The following ALK variants were observed in gnomAD, a reference collection of about 807,000 sequenced individuals.
ALK encodes the protein ALK tyrosine kinase receptor.
ALK carries 74 observed loss-of-function variants against 163.1 expected under a neutral mutation model. The observed-to-expected ratio is 0.45, with a 90% CI of 0.38 to 0.55. The LOEUF is 0.55. Ranked by LOEUF, ALK falls within the 20% of genes least tolerant of loss-of-function variation. The pLI is 0.00. For synonymous variants in ALK, 960 were observed against 843.2 expected (o/e 1.14, Z -2.40); for missense variants, 2,063 against 2,105.3 (o/e 0.98, Z 0.39).
rs75833254 is a variant in ALK at position 29,850,289 on chromosome 2, C to T, written c.667+69704G>A. Among the ~76,000 whole-genome samples the T allele has an allele frequency of 8.9e-3, 1,354 of 152,232 alleles. 26 individuals carry two copies. The highest frequency in any genetic ancestry group is 0.03 in the African/African-American group (1,243 of 41,522). On this transcript the variant is annotated intron_variant, in intron 1 of 28. Coordinates refer to ENST00000389048, the MANE Select transcript of ALK (RefSeq NM_004304.5). ...CGGGACTGGTTCCCTGCAGGGAGGG[C>T]AGTGCCAGATGAGGAATGGCAGAGG...
At chr2:29,700,145 C>T (rs903759722) in intron 2 of ALK, among the ~76,000 whole-genome samples, 1 of 152,192 alleles carries the variant, frequency 6.6e-6, no homozygotes, top group African/African-American at 2.4e-5. Flanking sequence ...AGATGCTGCC[C>T]CTAAACAAGG....
chr2:29,677,086 A>G (rs1239450460), intron 3 of ALK, among the ~76,000 whole-genome samples: 1 of 151,756 alleles, frequency 6.6e-6, no homozygotes, highest in Non-Finnish European at 1.5e-5. Context: ...AATAAAGGCA[A>G]TTTTATTTTA....
intron 3 of ALK, among the ~76,000 whole-genome samples, chr2:29,662,491 T>G (rs540339893): frequency 6.6e-6 from 1 of 152,276 alleles, no homozygotes; most frequent in South Asian, 2.1e-4. Context: ...AGGTTACTTA[T>G]TGCAAGGCCA....
intron 1 of ALK, among the ~76,000 whole-genome samples, chr2:29,838,186 A>T (rs1183021092): frequency 6.6e-6 from 1 of 152,156 alleles, no homozygotes; most frequent in Non-Finnish European, 1.5e-5. Context: ...GAAAAATGTT[A>T]AAAAGGAAAA....
chr2:29,910,404 T>G (rs889663409), intron 1 of ALK, among the ~76,000 whole-genome samples: 6 of 152,122 alleles, frequency 3.9e-5, no homozygotes, highest in Non-Finnish European at 8.8e-5. Flanking sequence ...ATAGCACAAT[T>G]GTAATTGAAT....
intron 19 of ALK, among the ~76,000 whole-genome samples, chr2:29,225,015 A>G (rs1663906798): frequency 6.6e-6 from 1 of 152,230 alleles, no homozygotes. Context: ...TATACTCAGA[A>G]ACCGATTTTC....
At chr2:29,798,982 G>A (rs989002029) in intron 1 of ALK, among the ~76,000 whole-genome samples, 1 of 152,166 alleles carries the variant, frequency 6.6e-6, no homozygotes, top group Non-Finnish European at 1.5e-5. Flanking sequence ...GAGCTTTTCT[G>A]AGTTTCCATT....
chr2:29,383,779 C>T lies in ALK; in HGVS notation c.1235G>A (p.Arg412His), dbSNP rs1388736375. 44 of 1,614,012 alleles carry T rather than the reference C, an allele frequency of 2.7e-5. No individual in the cohort carries two copies. The highest frequency in any genetic ancestry group is 5.3e-5 in the African/African-American group (4 of 74,932). Residue 412 changes from arginine to histidine, a missense_variant, in exon 5 of 29, where the codon CGC (arginine) becomes CAC (histidine). This residue lies in a region of ALK where 987 missense variants were observed against 939.5 expected (regional missense o/e 1.05). Coordinates refer to ENST00000389048, the MANE Select transcript of ALK (RefSeq NM_004304.5). ...AAAGAAGTCCACTGCAGACAAGCTG[C>T]GGTTTCCACTGGAGATGTATTCCAG... ...VALEYISSGN[R>H]SLSAVDFFAL...
intron 4 of ALK, among the ~76,000 whole-genome samples, chr2:29,442,321 T>A (rs80028855): frequency 6.8e-6 from 1 of 147,376 alleles, no homozygotes; most frequent in African/African-American, 2.5e-5. Context: ...AAAAAAAAAA[T>A]GTTGAGACTT....
chr2:29,260,184 G>A (rs1573169998), intron 11 of ALK, among the ~76,000 whole-genome samples: 1 of 151,698 alleles, frequency 6.6e-6, no homozygotes, highest in African/African-American at 2.4e-5. Context: ...TTCTTTTATT[G>A]CAAATTCTTT....
intron 9 of ALK, among the ~76,000 whole-genome samples, chr2:29,288,953 AAAAAATAAATAAATAAAT>A (rs1419201469): frequency 3.0e-5 from 1 of 33,340 alleles, no homozygotes; most frequent in African/African-American, 5.0e-5. Context: ...CTCCTTCTCA[AAAAAATAAATAAATAAAT>A]AAATAAATAA....
At chr2:29,294,343 A>G (rs2148229174) in intron 9 of ALK, among the ~76,000 whole-genome samples, 1 of 152,372 alleles carries the variant, frequency 6.6e-6, no homozygotes, top group East Asian at 1.9e-4. Context: ...AAACAAATTC[A>G]TAAGAAGCCC....
chr2:29,670,902 C>T (rs1354868454), intron 3 of ALK, among the ~76,000 whole-genome samples: 3 of 151,898 alleles, frequency 2.0e-5, no homozygotes, highest in African/African-American at 4.8e-5. Flanking sequence ...TTTTGATTTG[C>T]TTTTCTGTGT....
At chr2:29,715,793 C>G (rs1679232605) in intron 2 of ALK, among the ~76,000 whole-genome samples, 1 of 152,190 alleles carries the variant, frequency 6.6e-6, no homozygotes, top group South Asian at 2.1e-4. Context: ...TTTATAGATA[C>G]TTGCCCTTAT....
At chr2:29,895,749 T>G (rs1193056950) in intron 1 of ALK, among the ~76,000 whole-genome samples, 1 of 152,226 alleles carries the variant, frequency 6.6e-6, no homozygotes, top group African/African-American at 2.4e-5. Flanking sequence ...AGCCTCCATC[T>G]GCTTAATTAC....
intron 11 of ALK, among the ~76,000 whole-genome samples, chr2:29,259,873 G>A (rs1338306591): frequency 2.0e-5 from 3 of 151,942 alleles, no homozygotes; most frequent in Admixed American, 2.0e-4. Flanking sequence ...TTATTTCTAT[G>A]TTGGATCTTC....
chr2:29,574,883 G>A (rs1209686159), intron 3 of ALK, among the ~76,000 whole-genome samples: 1 of 152,186 alleles, frequency 6.6e-6, no homozygotes, highest in Admixed American at 6.5e-5. Context: ...TGAGCCTGCT[G>A]AAGTGCCCTT....
intron 1 of ALK, among the ~76,000 whole-genome samples, chr2:29,796,879 T>G (rs539641238): frequency 6.6e-6 from 1 of 152,018 alleles, no homozygotes; most frequent in Non-Finnish European, 1.5e-5. Flanking sequence ...ATTCTATTAG[T>G]GTAATTTTAG....
At chr2:29,420,125 C>A (rs553097582) in intron 4 of ALK, among the ~76,000 whole-genome samples, 7 of 145,472 alleles carry the variant, frequency 4.8e-5, no homozygotes, top group African/African-American at 1.8e-4. Context: ...CCACTGCACT[C>A]CAGCCTGGGT....
Sources: gnomAD v4.1 joint callset for allele counts (sites outside exome capture counted in the v4.1 genomes callset) on GRCh38, gnomAD v4.1.1 for gene constraint, gnomAD v4.1.1 regional missense constraint, MANE v1.5 for transcripts, NCBI Gene and HGNC (gene_info 2026-07-23, HGNC 2026-07-21) for gene names.